Variants in GABRP observed in about 807,000 individuals in gnomAD.
GABRP encodes gamma-aminobutyric acid receptor subunit pi.
GABRP carries 52 observed loss-of-function variants against 47.8 expected under a neutral mutation model. The ratio of observed to expected loss-of-function variants is 1.09; its 90% CI spans 0.87 to 1.37. The LOEUF is 1.37. Ranked by LOEUF, GABRP falls within the 40% of genes most tolerant of loss-of-function variation. GABRP has a pLI of 0.00. For synonymous variants in GABRP, 221 were observed against 205.8 expected (o/e 1.07, Z -0.63); for missense variants, 525 against 542.8 (o/e 0.97, Z 0.33).
At chr5:170,791,228 C>T (rs1440891174) in intron 3 of GABRP, among the ~76,000 whole-genome samples, 1 of 152,240 alleles carries the variant, frequency 6.6e-6, no homozygotes, top group Admixed American at 6.5e-5. Flanking sequence ...TGCCTCATCC[C>T]ACCTGGGGTG....
chr5:170,806,009 C>T (rs747689817), intron 7 of GABRP, among the ~76,000 whole-genome samples, 156 bp downstream of exon 7: 4 of 152,134 alleles, frequency 2.6e-5, no homozygotes, highest in Non-Finnish European at 4.4e-5. Context: ...CTCCTCCACA[C>T]CCAGTATTAA....
At chr5:170,800,824 T>C (rs1765571250) in intron 6 of GABRP, among the ~76,000 whole-genome samples, 1 of 152,160 alleles carries the variant, frequency 6.6e-6, no homozygotes, top group South Asian at 2.1e-4. Context: ...TGGGTGACTG[T>C]AATCCCAGCT....
chr5:170,793,882 A>G (rs1207355587), intron 3 of GABRP, among the ~76,000 whole-genome samples: 1 of 152,182 alleles, frequency 6.6e-6, no homozygotes, highest in East Asian at 1.9e-4. Context: ...TGGCGAGCCG[A>G]GATCGTGCTA....
intron 1 of GABRP, among the ~76,000 whole-genome samples, chr5:170,787,311 C>T (rs56175911): frequency 0.11 from 17,015 of 152,206 alleles, 1,205 homozygotes; most frequent in South Asian, 0.19. Flanking sequence ...AGAAGGTAAT[C>T]AACCCAGGGC....
rs1765829016 is a variant in GABRP at position 170,809,617 on chromosome 5, T to C, written c.882T>C (p.Thr294=). 1 of 1,614,216 alleles carries C rather than the reference T, an allele frequency of 6.2e-7. No individual in the cohort carries two copies. Among genetic ancestry groups the C allele is most frequent in the East Asian group, 2.2e-5 (1 of 44,884 alleles). The stretch of plus-strand genomic sequence containing the variant: ...CCACACTGATGATCGGGTCCCGCAC[T>C]TCTCTTCCCAACACCAACTGCTTCA... ...SMTTLMIGSR[T]SLPNTNCFIK... is the part of the protein sequence containing the mutation. The change falls in exon 9 of 10, where the codon ACT becomes ACC. Residue 294 remains threonine (T), a synonymous_variant. Transcript: ENST00000265294.
chr5:170,794,214 GTT>G lies in GABRP; in HGVS notation c.173-9_173-8del. Reference sequence around the variant, plus strand: ...CATGGTTGTGTTTCCATTCTTTCTTGTTTTTTTTTATCTTAGGAGAACCCGTA... The same window carrying G: ...CATGGTTGTGTTTCCATTCTTTCTTGTTTTTTTATCTTAGGAGAACCCGTA... On this transcript the variant is annotated splice_polypyrimidine_tract_variant and intron_variant, in intron 3 of 9. Transcript: ENST00000265294. 6.6e-7 allele frequency: 1 copy of G among 1,510,926 alleles called. No homozygotes were observed. 93.6% of individuals were successfully genotyped at this position (1,510,926 alleles called of 1,614,324 possible). A position where few individuals can be genotyped will look rare whatever the true frequency, so the allele number is the denominator to read the frequency against.
At chr5:170,802,054 A>T (rs979424787) in intron 6 of GABRP, among the ~76,000 whole-genome samples, 2 of 152,096 alleles carry the variant, frequency 1.3e-5, no homozygotes, top group African/African-American at 2.4e-5. Context: ...TCCAACTTTT[A>T]AAAAAAATTG....
At chr5:170,790,550 A>G (rs1765237283) in intron 3 of GABRP, among the ~76,000 whole-genome samples, 1 of 152,090 alleles carries the variant, frequency 6.6e-6, no homozygotes, top group African/African-American at 2.4e-5. Flanking sequence ...TAGGGGGACT[A>G]TGTCTAGAAG....
At chr5:170,783,213 G>T (rs138026423), upstream of GABRP, among the ~76,000 whole-genome samples, 141 of 152,262 alleles carry the variant, frequency 9.3e-4, 1 homozygote, top group African/African-American at 3.3e-3. Context: ...AACTTCCCAG[G>T]CTGGAAAGCA....
intron 6 of GABRP, 127 bp downstream of exon 6, chr5:170,797,675 C>A: frequency 1.5e-6 from 1 of 652,424 alleles, no homozygotes; most frequent in Admixed American, 2.3e-5. Context: ...GGATTCAGCC[C>A]TTCTGACTGT....
rs1765919610 is a variant in GABRP at position 170,812,606 on chromosome 5, AC to A, written c.*351del. Reference sequence around the variant, plus strand: ...AGAATGGGAAGGAGACCATTGGGTAACCCTCAAGTGTCAGAAGTTGTTTCTA... The same window carrying A: ...AGAATGGGAAGGAGACCATTGGGTAACCTCAAGTGTCAGAAGTTGTTTCTA... On this transcript the variant is annotated 3_prime_UTR_variant, in exon 10 of 10. Coordinates refer to ENST00000265294, the MANE Select transcript of GABRP (RefSeq NM_014211.3). 1 of 203,820 alleles carries A rather than the reference AC, an allele frequency of 4.9e-6. No individual in the cohort carries two copies. The highest frequency in any genetic ancestry group is 2.3e-5 in the African/African-American group (1 of 43,566). 12.6% of individuals were successfully genotyped at this position (203,820 alleles called of 1,614,324 possible). A position where few individuals can be genotyped will look rare whatever the true frequency, so the allele number is the denominator to read the frequency against.
Position 170,799,372 on chromosome 5 carries a change from G to C in GABRP, c.541+1824G>C, listed in dbSNP as rs545445384. Among the ~76,000 whole-genome samples, 124 of 152,292 alleles carry C rather than the reference G, an allele frequency of 8.1e-4. 1 individual carries two copies. The highest frequency in any genetic ancestry group is 1.6e-3 in the Non-Finnish European group (110 of 68,030). On this transcript the variant is annotated intron_variant, in intron 6 of 9. Transcript: ENST00000265294. ...AATCGCCACACTGTCTTCCACAGTG[G>C]TTGAACCAGTTTACAGTCCCACCAA... is the stretch of plus-strand genomic sequence containing the variant.
chr5:170,810,736 G>A (rs1344265656), intron 9 of GABRP, among the ~76,000 whole-genome samples: 3 of 151,952 alleles, frequency 2.0e-5, no homozygotes, highest in African/African-American at 4.8e-5. Context: ...AGTGTAGAAT[G>A]AGGAATCAAA....
At position 170,808,616 on chromosome 5, in the gene GABRP, G is replaced by A; in HGVS notation, c.696G>A (p.Leu232=). ...CCCTTTCAGGAAATTACACTAGATT[G>A]GTCTTACAGTTTGAGCTTCGGAGGA... ...SQQETGNYTR[L]VLQFELRRNV... Residue 232 remains leucine, a synonymous_variant, in exon 8 of 10, where the codon TTG becomes TTA. Transcript: ENST00000265294. 1.2e-6 allele frequency: 2 copies of A among 1,613,824 alleles called. No homozygotes were observed.
chr5:170,796,322 T>C (rs1448382869), intron 5 of GABRP, among the ~76,000 whole-genome samples: 1 of 152,212 alleles, frequency 6.6e-6, no homozygotes, highest in Non-Finnish European at 1.5e-5. Context: ...TCAATTCCAA[T>C]CATCGTTAAT....
chr5:170,803,283 C>G (rs974778519), intron 6 of GABRP, among the ~76,000 whole-genome samples: 1 of 152,094 alleles, frequency 6.6e-6, no homozygotes, highest in Non-Finnish European at 1.5e-5. Context: ...GTTCCAACAC[C>G]GGCATCACAT....
At chr5:170,799,137 T>C (rs919497607) in intron 6 of GABRP, among the ~76,000 whole-genome samples, 1 of 152,216 alleles carries the variant, frequency 6.6e-6, no homozygotes, top group Non-Finnish European at 1.5e-5. Flanking sequence ...TGCATAGTAT[T>C]CCATGGTGTG....
In GABRP at chr5:170,789,208, A is replaced by G. The variant is rs1467097908; in HGVS notation, c.133A>G (p.Thr45Ala). The G allele has an allele frequency of 6.2e-7, 1 of 1,614,174 alleles. No homozygotes were observed. The change falls in exon 3 of 10, where the codon ACA (threonine) becomes GCA (alanine). Residue 45 changes from threonine to alanine, a missense_variant. Thr to Ala is a moderately conservative substitution (Grantham distance 58). Transcript: ENST00000265294. ...KLSLPGFENL[T>A]AGYNKFLRPN... The stretch of plus-strand genomic sequence containing the variant: ...TTCCCTGCCTGGCTTTGAGAACCTC[A>G]CAGCAGGATATAACAAATTTCTCAG...
chr5:170,793,332 G>A (rs959866964), intron 3 of GABRP, among the ~76,000 whole-genome samples: 1 of 152,188 alleles, frequency 6.6e-6, no homozygotes, highest in Non-Finnish European at 1.5e-5. Flanking sequence ...ATAAAGAGAA[G>A]TAAACTTCCC....
Sources: allele counts gnomAD v4.1 joint callset (sites outside exome capture counted in the v4.1 genomes callset), GRCh38; gene constraint gnomAD v4.1.1; transcripts MANE v1.5; gene names NCBI Gene and HGNC (gene_info 2026-07-23, HGNC 2026-07-21).